The following OSBPL10 variants were observed in gnomAD, a reference collection of about 807,000 sequenced individuals.
OSBPL10 encodes oxysterol-binding protein-related protein 10.
In OSBPL10, 49 loss-of-function variants were observed where a neutral mutation model predicts 81.7. The ratio of observed to expected loss-of-function variants is 0.60; its 90% CI spans 0.48 to 0.76. OSBPL10 has a LOEUF of 0.76. Ranked by LOEUF, OSBPL10 falls within the 30% of genes least tolerant of loss-of-function variation. The pLI is 0.00. For synonymous variants in OSBPL10, 419 were observed against 383.6 expected (o/e 1.09, Z -1.08); for missense variants, 923 against 987.8 (o/e 0.93, Z 0.88).
rs578261314 is a variant in OSBPL10, at chr3:31,723,099, T to C, written c.1095+10158A>G. ...GGCTGTATGTCCACCACTCTTCTTATACTTATTAGTAATGTGGTCATTTAA... is the reference window on the plus strand; with the variant it reads ...GGCTGTATGTCCACCACTCTTCTTACACTTATTAGTAATGTGGTCATTTAA... On this transcript the variant is annotated intron_variant, in intron 6 of 11. Transcript: ENST00000396556. Among the ~76,000 whole-genome samples the C allele has an allele frequency of 1.3e-3, 191 of 152,350 alleles. 2 individuals are homozygous for C. In the South Asian group the frequency reaches 0.018, roughly 15 times the overall value.
At chr3:31,800,676 C>T (rs367730100) in intron 4 of OSBPL10, among the ~76,000 whole-genome samples, 1 of 151,338 alleles carries the variant, frequency 6.6e-6, no homozygotes, top group East Asian at 1.9e-4. Flanking sequence ...TTTAATGAAC[C>T]ACATGGGTGG....
rs914303010 is a variant in OSBPL10 at position 31,821,369 on chromosome 3, T to C, written c.729+8671A>G. Among the ~76,000 whole-genome samples the C allele has an allele frequency of 2.6e-5, 4 of 152,120 alleles. No homozygotes were observed. The East Asian group carries it at 7.7e-4, about 29-fold the overall frequency. ...CACAGATGCAGAGGCTGATAAGGGATTGTAGGGGTGCTCATAAGTTCTCAT... is the reference window on the plus strand; with the variant it reads ...CACAGATGCAGAGGCTGATAAGGGACTGTAGGGGTGCTCATAAGTTCTCAT... On this transcript the variant is annotated intron_variant, in intron 4 of 11. Transcript: ENST00000396556.
rs149453435 is a variant in OSBPL10 at position 31,812,843 on chromosome 3, A to C, written c.729+17197T>G. ...GAGAAAGAAAGAAAGAAAGAAAGAA[A>C]GAACGAACTTCTCCAATAACATGTG... On this transcript the variant is annotated intron_variant, in intron 4 of 11. Coordinates refer to ENST00000396556, the MANE Select transcript of OSBPL10 (RefSeq NM_017784.5). 6.0e-3 allele frequency among the ~76,000 whole-genome samples: 846 copies of C among 140,710 alleles called. 19 individuals are homozygous for C. Among genetic ancestry groups the C allele is most frequent in the East Asian group, 0.011 (47 of 4,140 alleles). 92.3% of individuals were successfully genotyped at this position (140,710 alleles called of 152,430 possible). A position where few individuals can be genotyped will look rare whatever the true frequency, so the allele number is the denominator to read the frequency against.
rs144799728 is a variant in OSBPL10, at chr3:31,690,055, T to C, written c.1246-5941A>G. 1.4e-3 allele frequency among the ~76,000 whole-genome samples: 207 copies of C among 151,916 alleles called. 2 individuals carry two copies. In the East Asian group the frequency reaches 0.036, roughly 26 times the overall value. On this transcript the variant is annotated intron_variant, in intron 7 of 11. Coordinates refer to ENST00000396556, the MANE Select transcript of OSBPL10 (RefSeq NM_017784.5). The stretch of plus-strand genomic sequence containing the variant: ...AATGCAAAGTACAAAATGTTAGTAA[T>C]TGGCCAAAAAAGGTGAAGAATATAT...
intron 4 of OSBPL10, among the ~76,000 whole-genome samples, chr3:31,822,977 T>C (rs761786664): frequency 4.7e-4 from 69 of 146,826 alleles, no homozygotes; most frequent in Non-Finnish European, 8.6e-4. Flanking sequence ...TACATTTCAA[T>C]CATCATATGC....
intron 2 of OSBPL10, among the ~76,000 whole-genome samples, chr3:32,021,828 A>C (rs1699365715): frequency 1.3e-5 from 2 of 151,898 alleles, no homozygotes. Flanking sequence ...ATACCAAAAA[A>C]ATTAGCTGGG....
chr3:31,920,422 AAG>A (rs1288108182), intron 1 of OSBPL10, among the ~76,000 whole-genome samples: 2 of 152,230 alleles, frequency 1.3e-5, no homozygotes, highest in Non-Finnish European at 2.9e-5. Context: ...AGGTAGGAGA[AAG>A]AGTAACCTAA....
At chr3:31,838,526 A>C (rs1339491866) in intron 3 of OSBPL10, among the ~76,000 whole-genome samples, 1 of 150,584 alleles carries the variant, frequency 6.6e-6, no homozygotes, top group Non-Finnish European at 1.5e-5. Flanking sequence ...AAAAAAAAAA[A>C]AAAAAAAAAA....
intron 5 of OSBPL10, among the ~76,000 whole-genome samples, chr3:31,733,685 G>GT (rs372305256): frequency 0.039 from 3,577 of 91,724 alleles, 183 homozygotes; most frequent in African/African-American, 0.064. Flanking sequence ...AGATAAAGGT[G>GT]TTTTTTTTTT....
intron 7 of OSBPL10, among the ~76,000 whole-genome samples, chr3:31,686,285 G>T (rs576997043): frequency 6.6e-6 from 1 of 152,206 alleles, no homozygotes; most frequent in Non-Finnish European, 1.5e-5. Context: ...GACTAATACA[G>T]ATGTCCAGAG....
chr3:31,981,175 T>C lies in OSBPL10; in HGVS notation c.5A>G (p.Glu2Gly). Residue 2 changes from glutamate to glycine, a missense_variant, in exon 1 of 12, where the codon GAG becomes GGG. Physicochemically the swap from Glu to Gly is moderately conservative, Grantham distance 98. Transcript: ENST00000396556. This position sits in a 1 kb window ranked among gnomAD's most constrained non-coding sequence, Gnocchi z 4.5. ...GCCGTCTGTGCCCTGGACTGCCCTC[T>C]CCATGGTCCGTGGGCGCCCGGGACG... is the stretch of plus-strand genomic sequence containing the variant. Reference protein sequence around the residue: MERAVQGTDGGG... With the variant: MGRAVQGTDGGG... 2 of 1,440,176 alleles carry C rather than the reference T, an allele frequency of 1.4e-6. No homozygotes were observed. Among genetic ancestry groups the C allele is most frequent in the Non-Finnish European group, 9.1e-7 (1 of 1,099,304 alleles). 89.2% of individuals were successfully genotyped at this position (1,440,176 alleles called of 1,614,324 possible). A position where few individuals can be genotyped will look rare whatever the true frequency, so the allele number is the denominator to read the frequency against.
At chr3:31,988,466 C>G (rs1401163525) in intron 2 of OSBPL10, among the ~76,000 whole-genome samples, 2 of 152,190 alleles carry the variant, frequency 1.3e-5, no homozygotes, top group African/African-American at 2.4e-5. Context: ...ATAGATTCCT[C>G]TCCTTTAGAG....
intron 4 of OSBPL10, among the ~76,000 whole-genome samples, chr3:31,752,734 G>A (rs1697757360): frequency 6.6e-6 from 1 of 152,124 alleles, no homozygotes; most frequent in Non-Finnish European, 1.5e-5. Context: ...AGAAGATAAG[G>A]GCCTCATTTG....
At chr3:31,784,677 G>A (rs1166485978) in intron 4 of OSBPL10, among the ~76,000 whole-genome samples, 1 of 149,286 alleles carries the variant, frequency 6.7e-6, no homozygotes, top group African/African-American at 2.5e-5. Context: ...CCACCTCCCG[G>A]GTTCAAATGA....
chr3:31,985,668 G>A (rs960214335), upstream of OSBPL10, among the ~76,000 whole-genome samples: 15 of 152,172 alleles, frequency 9.9e-5, no homozygotes, highest in Admixed American at 5.9e-4. Context: ...GCTTGGCCAC[G>A]AATAGAGAGA....
At chr3:31,697,838 C>A in intron 7 of OSBPL10, among the ~76,000 whole-genome samples, 1 of 152,074 alleles carries the variant, frequency 6.6e-6, no homozygotes, top group East Asian at 1.9e-4. Flanking sequence ...TCTCAGCTCA[C>A]TGCAACCTCC....
intron 3 of OSBPL10, among the ~76,000 whole-genome samples, chr3:31,840,088 T>G (rs567886975): frequency 3.3e-5 from 5 of 151,756 alleles, no homozygotes; most frequent in African/African-American, 9.6e-5. Flanking sequence ...CACGTCTCAT[T>G]GTAATCGACC....
At chr3:31,903,100 A>G (rs1696298835) in intron 1 of OSBPL10, among the ~76,000 whole-genome samples, 1 of 152,216 alleles carries the variant, frequency 6.6e-6, no homozygotes, top group South Asian at 2.1e-4. Flanking sequence ...TAGCATTTGC[A>G]CAGTCTTTCT....
intron 5 of OSBPL10, among the ~76,000 whole-genome samples, chr3:31,745,391 G>A (rs1172912602): frequency 6.6e-6 from 1 of 152,176 alleles, no homozygotes; most frequent in Non-Finnish European, 1.5e-5. Context: ...ATAAGGAAAA[G>A]GTGAAGCAAA....
Sources: gnomAD v4.1 joint callset for allele counts (sites outside exome capture counted in the v4.1 genomes callset) on GRCh38, gnomAD v4.1.1 for gene constraint, Gnocchi (gnomAD v3.1) non-coding constraint, MANE v1.5 for transcripts, NCBI Gene and HGNC (gene_info 2026-07-23, HGNC 2026-07-21) for gene names.